The following BIRC6 variants were observed in gnomAD, a reference collection of about 807,000 sequenced individuals.
BIRC6 encodes the protein dual E2 ubiquitin-conjugating enzyme/E3 ubiquitin-protein ligase BIRC6.
In BIRC6, 98 loss-of-function variants were observed where a neutral mutation model predicts 503.3. The observed-to-expected ratio is 0.19, with a 90% confidence interval of 0.17 to 0.23. The LOEUF (loss-of-function observed/expected upper bound fraction) is 0.23, where lower values mean the gene tolerates loss of function less well. Ranked by LOEUF, BIRC6 falls within the 10% of genes least tolerant of loss-of-function variation. The pLI is 1.00. For missense variants in BIRC6, 5,360 were observed against 5,806.0 expected (o/e 0.92, Z 2.50); for synonymous variants, 2,240 against 2,078.7 (o/e 1.08, Z -2.11).
At chr2:32,513,454 T>C (rs1012187785) in intron 54 of BIRC6, among the ~76,000 whole-genome samples, 3 of 152,210 alleles carry the variant, frequency 2.0e-5, no homozygotes, top group African/African-American at 7.2e-5. Context: ...TTATCTTTAA[T>C]GTACAACTCT....
chr2:32,552,865 T>C lies in BIRC6; in HGVS notation c.13144+3384T>C, dbSNP rs1040361915. 8.7e-5 allele frequency among the ~76,000 whole-genome samples: 13 copies of C among 149,972 alleles called. No individual in the cohort carries two copies. The East Asian group carries it at 2.5e-3, about 29-fold the overall frequency. ...ACCAAAACTGATAACTAATTATATA[T>C]TTATATATTTATATTTATGTTTACT... is the stretch of plus-strand genomic sequence containing the variant. On this transcript the variant is annotated intron_variant, in intron 65 of 73. Coordinates refer to ENST00000421745, the MANE Select transcript of BIRC6 (RefSeq NM_016252.4).
At chr2:32,599,657 T>A in intron 69 of BIRC6, 82 bp from the exon 70 acceptor site, 1 of 1,431,962 alleles carries the variant, frequency 7.0e-7, no homozygotes, top group Non-Finnish European at 9.6e-7. Context: ...AGGTTGTTCT[T>A]ATTTCATGTT....
At chr2:32,407,422 GC>G (rs1156790722) in intron 9 of BIRC6, among the ~76,000 whole-genome samples, 3 of 139,718 alleles carry the variant, frequency 2.1e-5, no homozygotes, top group Admixed American at 7.7e-5. Flanking sequence ...TCCAGCCTGG[GC>G]AACAAGAGAG....
At chr2:32,557,024 C>T (rs1275393213) in intron 65 of BIRC6, among the ~76,000 whole-genome samples, 2 of 152,108 alleles carry the variant, frequency 1.3e-5, no homozygotes, top group Non-Finnish European at 2.9e-5. Flanking sequence ...TTTTGTATTA[C>T]CCACATTTAT....
chr2:32,524,043 TA>T (rs72216981), intron 57 of BIRC6, among the ~76,000 whole-genome samples: 51,728 of 143,404 alleles, frequency 0.36, 9,767 homozygotes, highest in African/African-American at 0.51. Context: ...GACCTTATCT[TA>T]AAAAAAAAAA....
chr2:32,542,513 G>T (rs1032816369), intron 61 of BIRC6, among the ~76,000 whole-genome samples: 2 of 152,168 alleles, frequency 1.3e-5, no homozygotes, highest in Admixed American at 6.5e-5. Flanking sequence ...GATAAGAAGA[G>T]AATATTTTTC....
At chr2:32,544,951 T>TA (rs1386318243) in intron 62 of BIRC6, among the ~76,000 whole-genome samples, 1 of 152,022 alleles carries the variant, frequency 6.6e-6, no homozygotes, top group African/African-American at 2.4e-5. Context: ...ATGTTATACA[T>TA]ACGATATTTT....
chr2:32,491,709 A>G (rs551150310), intron 44 of BIRC6, among the ~76,000 whole-genome samples, 151 bp downstream of exon 44: 42 of 152,332 alleles, frequency 2.8e-4, no homozygotes, highest in Admixed American at 9.8e-4. Flanking sequence ...TTGTAATAAT[A>G]GCTATACTGA....
At chr2:32,559,863 A>G (rs951234015) in intron 65 of BIRC6, among the ~76,000 whole-genome samples, 1 of 152,152 alleles carries the variant, frequency 6.6e-6, no homozygotes, top group African/African-American at 2.4e-5. Context: ...AAAATACAAA[A>G]AAATTAGCCA....
chr2:32,543,887 A>T (rs1168342700), intron 62 of BIRC6, among the ~76,000 whole-genome samples: 1 of 152,246 alleles, frequency 6.6e-6, no homozygotes, highest in Admixed American at 6.5e-5. Flanking sequence ...TTAGCAAGTT[A>T]TAAAATCCCT....
chr2:32,464,072 C>T (rs1234912395), intron 24 of BIRC6, among the ~76,000 whole-genome samples: 1 of 152,192 alleles, frequency 6.6e-6, no homozygotes, highest in Non-Finnish European at 1.5e-5. Flanking sequence ...CCACATCTCC[C>T]CGCATCCGTG....
At chr2:32,583,929 G>A (rs1280741690) in intron 66 of BIRC6, among the ~76,000 whole-genome samples, 1 of 152,028 alleles carries the variant, frequency 6.6e-6, no homozygotes, top group Non-Finnish European at 1.5e-5. Context: ...ACGGAGGTTC[G>A]CCATGTTGGC....
intron 6 of BIRC6, 84 bp downstream of exon 6, chr2:32,395,677 T>A: frequency 7.8e-7 from 1 of 1,275,276 alleles, no homozygotes; most frequent in Non-Finnish European, 1.1e-6. Flanking sequence ...GCTTATGATA[T>A]AATTTTTTGC....
At chr2:32,579,955 GTTTT>G (rs566605734) in intron 66 of BIRC6, among the ~76,000 whole-genome samples, 1 of 132,714 alleles carries the variant, frequency 7.5e-6, no homozygotes, top group Admixed American at 7.7e-5. Context: ...AACCAGGCAG[GTTTT>G]TTTTTTTTTT....
intron 10 of BIRC6, among the ~76,000 whole-genome samples, chr2:32,425,903 C>G (rs1158861071): frequency 1.3e-5 from 2 of 152,262 alleles, no homozygotes; most frequent in African/African-American, 2.4e-5. Flanking sequence ...GCTTCCAGCA[C>G]ATGTGCCACT....
intron 73 of BIRC6, among the ~76,000 whole-genome samples, chr2:32,611,883 T>C (rs1046491146): frequency 1.3e-5 from 2 of 152,132 alleles, no homozygotes; most frequent in Admixed American, 6.5e-5. Context: ...CCTTTTTCTT[T>C]TTTTCTTTTG....
rs1329971892 is a variant in BIRC6, at chr2:32,468,431, C to T, written c.5781-6C>T. The T allele has an allele frequency of 6.5e-7, 1 of 1,547,046 alleles. No homozygotes were observed. Among genetic ancestry groups the T allele is most frequent in the South Asian group, 1.2e-5 (1 of 80,926 alleles). On this transcript the variant is annotated splice_polypyrimidine_tract_variant and splice_region_variant and intron_variant, in intron 28 of 73. Coordinates refer to ENST00000421745, the MANE Select transcript of BIRC6 (RefSeq NM_016252.4). ...AATTATTTTGTTCAATCTTTTTTTA[C>T]TTTAGGTATAACTTGGCTTGTCATC... is the stretch of plus-strand genomic sequence containing the variant.
chr2:32,424,023 G>A (rs1484813761), intron 10 of BIRC6, among the ~76,000 whole-genome samples: 6 of 152,144 alleles, frequency 3.9e-5, no homozygotes, highest in African/African-American at 1.2e-4. Context: ...ATATGCCAAA[G>A]TGAAGCCGTT....
intron 44 of BIRC6, among the ~76,000 whole-genome samples, chr2:32,491,837 C>T (rs936825531): frequency 1.3e-5 from 2 of 151,982 alleles, no homozygotes; most frequent in African/African-American, 4.8e-5. Flanking sequence ...GTAAATACTG[C>T]AAAGGTAGAG....
Sources: allele counts gnomAD v4.1 joint callset (sites outside exome capture counted in the v4.1 genomes callset), GRCh38; gene constraint gnomAD v4.1.1; transcripts MANE v1.5; gene names NCBI Gene and HGNC (gene_info 2026-07-23, HGNC 2026-07-21).